Variants in TMEM236 observed in about 807,000 individuals in gnomAD.
TMEM236 encodes transmembrane protein 236, also known as family with sequence similarity 23, member A.
Under a neutral mutation model 14.7 loss-of-function variants are expected in TMEM236, and 11 were observed. The observed-to-expected ratio is 0.75, with a 90% CI of 0.47 to 1.24. The LOEUF is 1.24. TMEM236 is among the 50% of genes most tolerant of loss of function. The pLI is 0.00. For synonymous variants in TMEM236, 182 were observed against 168.6 expected (o/e 1.08, Z -0.62); for missense variants, 464 against 427.3 (o/e 1.09, Z -0.76).
intron 1 of TMEM236, among the ~76,000 whole-genome samples, chr10:17,754,353 C>A (rs1193059412): frequency 2.0e-5 from 3 of 152,132 alleles, no homozygotes; most frequent in African/African-American, 7.2e-5. Flanking sequence ...CTGGGTGTGG[C>A]TCTGTTGCCC....
chr10:17,781,851 T>C (rs1412089843), intron 3 of TMEM236, among the ~76,000 whole-genome samples: 6 of 151,912 alleles, frequency 3.9e-5, no homozygotes, highest in African/African-American at 1.5e-4. Flanking sequence ...AATATTTTTG[T>C]GTGTTTAAGA....
chr10:17,768,701 T>C (rs920083617), intron 1 of TMEM236, among the ~76,000 whole-genome samples: 4 of 151,178 alleles, frequency 2.6e-5, no homozygotes, highest in Non-Finnish European at 4.4e-5. Context: ...GATTTCTAGG[T>C]AGTCATAGGG....
intron 1 of TMEM236, among the ~76,000 whole-genome samples, chr10:17,763,309 A>T (rs955348790): frequency 6.6e-6 from 1 of 151,964 alleles, no homozygotes; most frequent in African/African-American, 2.4e-5. Context: ...AAAAAAAGTT[A>T]CCTGGGCATG....
At chr10:17,753,012 G>A (rs1404643468) in intron 1 of TMEM236, among the ~76,000 whole-genome samples, 1 of 152,018 alleles carries the variant, frequency 6.6e-6, no homozygotes, top group Non-Finnish European at 1.5e-5. Flanking sequence ...GTGTCATTAG[G>A]GGTTTGTTGT....
chr10:17,762,256 T>C (rs1199308057), intron 1 of TMEM236, among the ~76,000 whole-genome samples: 3 of 152,126 alleles, frequency 2.0e-5, no homozygotes, highest in Admixed American at 6.5e-5. Flanking sequence ...TCTTCTCCAA[T>C]GGGCAGAGTT....
chr10:17,781,036 C>T (rs1224410491), intron 3 of TMEM236, among the ~76,000 whole-genome samples: 2 of 152,146 alleles, frequency 1.3e-5, no homozygotes, highest in Non-Finnish European at 1.5e-5. Flanking sequence ...ATGTTGCCTG[C>T]TCCTCACTGT....
chr10:17,754,310 A>C (rs1429529767), intron 1 of TMEM236, among the ~76,000 whole-genome samples: 2 of 152,086 alleles, frequency 1.3e-5, no homozygotes, highest in African/African-American at 4.8e-5. Context: ...TGGTTCCTTT[A>C]GACTTTTTAT....
At chr10:17,784,537 T>G (rs1837803555) in intron 3 of TMEM236, among the ~76,000 whole-genome samples, 1 of 152,204 alleles carries the variant, frequency 6.6e-6, no homozygotes, top group Admixed American at 6.5e-5. Context: ...GTGCTTCTCA[T>G]CCTTGGCTGT....
chr10:17,762,135 G>A (rs1297463324), intron 1 of TMEM236, among the ~76,000 whole-genome samples: 16 of 152,068 alleles, frequency 1.1e-4, no homozygotes, highest in Admixed American at 1.0e-3. Flanking sequence ...TGTGTCTCCA[G>A]GGGTGACTTC....
chr10:17,768,110 T>G (rs868934584), intron 1 of TMEM236, among the ~76,000 whole-genome samples: 5,789 of 134,108 alleles, frequency 0.043, 283 homozygotes, highest in East Asian at 0.13. Flanking sequence ...TTTTTTTTTG[T>G]AGAGACGAGG....
chr10:17,761,292 G>A (rs1447423903), intron 1 of TMEM236, among the ~76,000 whole-genome samples: 2 of 152,094 alleles, frequency 1.3e-5, no homozygotes, highest in Non-Finnish European at 1.5e-5. Context: ...ATTAACTAAC[G>A]TTTGGGCTCT....
At chr10:17,786,269 T>C (rs1837836154) in intron 3 of TMEM236, among the ~76,000 whole-genome samples, 1 of 152,200 alleles carries the variant, frequency 6.6e-6, no homozygotes, top group Admixed American at 6.5e-5. Context: ...CAGTTTGACA[T>C]TAAAGGCATA....
chr10:17,771,456 C>T, intron 2 of TMEM236, 75 bp downstream of exon 2: 1 of 1,418,012 alleles, frequency 7.1e-7, no homozygotes, highest in African/African-American at 1.4e-5. Flanking sequence ...TTTGATAGAG[C>T]AGCGTGCTCA....
In TMEM236 at chr10:17,796,611, A is replaced by T. The variant is rs1734732620; in HGVS notation, c.*107A>T. 1.0e-6 allele frequency: 1 copy of T among 1,004,076 alleles called. No homozygotes were observed. Among genetic ancestry groups the T allele is most frequent in the African/African-American group, 1.6e-5 (1 of 61,652 alleles). 62.2% of individuals were successfully genotyped at this position (1,004,076 alleles called of 1,614,324 possible). A position where few individuals can be genotyped will look rare whatever the true frequency, so the allele number is the denominator to read the frequency against. On this transcript the variant is annotated 3_prime_UTR_variant, in exon 4 of 4. Coordinates refer to ENST00000377495, the MANE Select transcript of TMEM236 (RefSeq NM_001098844.3). ...TGTTTGCACTATAAAGGAAATGACT[A>T]GATTGTAGAGAATAAGCCATTTTTA...
intron 1 of TMEM236, among the ~76,000 whole-genome samples, chr10:17,757,736 C>G (rs1355124975): frequency 6.6e-6 from 1 of 151,752 alleles, no homozygotes. Context: ...AGGTGTGTTT[C>G]AAGAAAAATG....
chr10:17,767,047 A>G (rs1554834393), intron 1 of TMEM236, among the ~76,000 whole-genome samples: 1 of 152,190 alleles, frequency 6.6e-6, no homozygotes, highest in East Asian at 1.9e-4. Context: ...GATCTTATTT[A>G]ACTTGATTAT....
At chr10:17,762,659 A>C (rs1837391849) in intron 1 of TMEM236, among the ~76,000 whole-genome samples, 1 of 142,720 alleles carries the variant, frequency 7.0e-6, no homozygotes. Context: ...TTTATTATAT[A>C]TAAATATATA....
At chr10:17,772,790 T>A (rs1183167757) in intron 2 of TMEM236, among the ~76,000 whole-genome samples, 1 of 152,204 alleles carries the variant, frequency 6.6e-6, no homozygotes, top group Non-Finnish European at 1.5e-5. Flanking sequence ...TTTATTTTTG[T>A]ATCAGAAACC....
rs2130544223 is a variant in TMEM236 at position 17,798,166 on chromosome 10, T to C, written c.*1662T>C. The C allele has an allele frequency of 5.0e-6, 1 of 198,502 alleles. No individual in the cohort carries two copies. The highest frequency in any genetic ancestry group is 1.0e-5 in the Non-Finnish European group (1 of 96,546). The allele number at this position is 198,502 out of a possible 1,614,324, so 12.3% of individuals were successfully genotyped here. ...AGGCTGATAATGCAAGAGTAATGAT[T>C]TATGTAGCCAGTTTCTTCAATGATC... On this transcript the variant is annotated 3_prime_UTR_variant, in exon 4 of 4. Transcript: ENST00000377495.
Sources: gnomAD v4.1 joint callset for allele counts (sites outside exome capture counted in the v4.1 genomes callset) on GRCh38, gnomAD v4.1.1 for gene constraint, MANE v1.5 for transcripts, NCBI Gene and HGNC (gene_info 2026-07-23, HGNC 2026-07-21) for gene names.